JMJD1C: variants seen among roughly 807,000 people sequenced by gnomAD.
JMJD1C encodes jumonji domain-containing protein 1C.
A neutral mutation model predicts 245.3 loss-of-function variants in JMJD1C; 31 were observed. The ratio of observed to expected loss-of-function variants is 0.13; its 90% CI spans 0.09 to 0.17. The LOEUF (loss-of-function observed/expected upper bound fraction) is 0.17, where lower values mean the gene tolerates loss of function less well. Ranked by LOEUF, JMJD1C falls within the 10% of genes least tolerant of loss-of-function variation. The pLI is 1.00. For missense variants in JMJD1C, 2,691 were observed against 3,000.2 expected (o/e 0.90, Z 2.41); for synonymous variants, 1,057 against 1,017.4 (o/e 1.04, Z -0.74).
intron 1 of JMJD1C, 66 bp from the exon 2 acceptor site, chr10:63,380,548 T>C: frequency 4.1e-6 from 5 of 1,224,814 alleles, no homozygotes; most frequent in Non-Finnish European, 5.8e-6. Context: ...TTTTTACTAA[T>C]GCATAATAAT....
chr10:63,378,225 T>C (rs1473673127), intron 2 of JMJD1C, among the ~76,000 whole-genome samples: 1 of 152,086 alleles, frequency 6.6e-6, no homozygotes, highest in Non-Finnish European at 1.5e-5. Context: ...TATTTTCCAA[T>C]AAAAATTCTC....
intron 2 of JMJD1C, among the ~76,000 whole-genome samples, chr10:63,364,480 G>A (rs1387545200): frequency 1.3e-5 from 2 of 152,014 alleles, no homozygotes; most frequent in African/African-American, 4.8e-5. Flanking sequence ...TGCGATTTTG[G>A]AGGAAGCAAA....
intron 3 of JMJD1C, among the ~76,000 whole-genome samples, chr10:63,224,708 C>T (rs1198758891): frequency 6.6e-6 from 1 of 152,070 alleles, no homozygotes; most frequent in Non-Finnish European, 1.5e-5. Flanking sequence ...TATGAATATC[C>T]ACTATCTTTC....
chr10:63,221,922 A>T (rs1171392271), intron 3 of JMJD1C, among the ~76,000 whole-genome samples: 2 of 152,152 alleles, frequency 1.3e-5, no homozygotes, highest in Non-Finnish European at 2.9e-5. Flanking sequence ...GGGTTTCATC[A>T]TATTGGTTAG....
intron 1 of JMJD1C, among the ~76,000 whole-genome samples, chr10:63,435,440 T>A (rs1391801820): frequency 1.3e-5 from 2 of 152,188 alleles, no homozygotes; most frequent in Non-Finnish European, 2.9e-5. Flanking sequence ...AAGATTATAG[T>A]AAACACAGAT....
chr10:63,267,449 G>T (rs1301678801), intron 2 of JMJD1C, among the ~76,000 whole-genome samples: 2 of 152,066 alleles, frequency 1.3e-5, no homozygotes, highest in Admixed American at 1.3e-4. Context: ...CCTACAGCTG[G>T]TATGATGAAA....
At chr10:63,367,958 CTACT>C (rs1398249750) in intron 2 of JMJD1C, among the ~76,000 whole-genome samples, 13 of 152,284 alleles carry the variant, frequency 8.5e-5, no homozygotes, top group African/African-American at 2.2e-4. Flanking sequence ...AATGTTTCCC[CTACT>C]TAAACAGAAT....
At chr10:63,238,006 TAAAAAAAAAAAAAAAA>T (rs35736445) in intron 3 of JMJD1C, among the ~76,000 whole-genome samples, 1 of 27,602 alleles carries the variant, frequency 3.6e-5, no homozygotes, top group Non-Finnish European at 6.0e-5. Context: ...CCGTCTCTAC[TAAAAAAAAAAAAAAAA>T]AAAAAAAAAA....
At position 63,209,144 on chromosome 10, in the gene JMJD1C, C is replaced by T. The variant is rs1181876846; in HGVS notation, c.2786G>A (p.Ser929Asn). ...TTTAAGAGGCCGATGAGGCTCTGCACTGGAAGGTCTGACAGGAATGTGACT... is the reference window on the plus strand; with the variant it reads ...TTTAAGAGGCCGATGAGGCTCTGCATTGGAAGGTCTGACAGGAATGTGACT... ...LLSHIPVRPSSAEPHRPLKIT... is the reference protein window; with the variant it reads ...LLSHIPVRPSNAEPHRPLKIT... Residue 929 changes from serine to asparagine, a missense_variant, in exon 9 of 26, where the codon AGT becomes AAT. This residue lies in a region of JMJD1C where 1,562 missense variants were observed against 1,490.7 expected (regional missense o/e 1.05). Transcript: ENST00000399262. 8.7e-6 allele frequency: 14 copies of T among 1,613,828 alleles called. No homozygotes were observed. The highest frequency in any genetic ancestry group is 1.0e-5 in the Non-Finnish European group (12 of 1,179,920).
rs1845014751 is a variant in JMJD1C at position 63,192,939 on chromosome 10, T to G, written c.6075A>C (p.Lys2025Asn). Residue 2025 changes from lysine (K) to asparagine (N), a missense_variant and splice_region_variant, in exon 16 of 26, where the codon AAA (lysine) becomes AAC (asparagine). Transcript: ENST00000399262. ...LAEQKAREEK[K>N]ENKELTLENQ... is the part of the protein sequence containing the mutation. ...GCCTAGATAATCAATTATGTTTACC[T>G]TTTTTTTCCTCTCTGGCTTTTTGCT... The G allele has an allele frequency of 1.3e-6, 2 of 1,598,458 alleles. No individual in the cohort carries two copies. Among genetic ancestry groups the G allele is most frequent in the Non-Finnish European group, 8.6e-7 (1 of 1,166,466 alleles).
intron 2 of JMJD1C, among the ~76,000 whole-genome samples, chr10:63,363,743 GTGATGGCTCACTGTAATCT>G (rs1945606102): frequency 6.6e-6 from 1 of 151,964 alleles, no homozygotes; most frequent in South Asian, 2.1e-4. Flanking sequence ...CTGGAGTGCA[GTGATGGCTCACTGTAATCT>G]CTACTTCCCA....
In JMJD1C at chr10:63,462,147, C is replaced by A. The variant is rs12247734; in HGVS notation, c.168+3348G>T. On this transcript the variant is annotated intron_variant, in intron 1 of 25. Coordinates refer to ENST00000399262, the MANE Select transcript of JMJD1C (RefSeq NM_032776.3). ...ATTTCAACTTCTTCAACAACTTGGT[C>A]CTCCTGCATAAAAAAGGCTTAGATA... Among the ~76,000 whole-genome samples the A allele has an allele frequency of 8.3e-3, 1,267 of 152,234 alleles. 19 individuals carry two copies. Among genetic ancestry groups the A allele is most frequent in the African/African-American group, 0.03 (1,228 of 41,546 alleles).
intron 2 of JMJD1C, among the ~76,000 whole-genome samples, chr10:63,283,367 CT>C (rs34629226): frequency 0.61 from 74,077 of 122,350 alleles, 21,812 homozygotes; most frequent in Non-Finnish European, 0.72. Context: ...CTTTCTGAGC[CT>C]TTTTTTTTTT....
At chr10:63,266,297 A>T (rs997191644) in intron 2 of JMJD1C, among the ~76,000 whole-genome samples, 1 of 152,028 alleles carries the variant, frequency 6.6e-6, no homozygotes, top group Admixed American at 6.6e-5. Flanking sequence ...GAGAAATCAC[A>T]TTTTCAAAAT....
intron 1 of JMJD1C, among the ~76,000 whole-genome samples, chr10:63,432,286 T>G (rs1365763964): frequency 1.3e-5 from 2 of 152,234 alleles, no homozygotes; most frequent in Non-Finnish European, 2.9e-5. Context: ...CTCAGCTAAC[T>G]AGCCCGGGTG....
At chr10:63,348,508 T>G (rs147557712) in intron 2 of JMJD1C, among the ~76,000 whole-genome samples, 2 of 152,326 alleles carry the variant, frequency 1.3e-5, no homozygotes, top group Admixed American at 1.3e-4. Flanking sequence ...GGTCTGCCAT[T>G]CACAAACAGT....
intron 1 of JMJD1C, among the ~76,000 whole-genome samples, chr10:63,516,302 G>GA (rs1449418558): frequency 6.7e-6 from 1 of 150,352 alleles, no homozygotes; most frequent in Non-Finnish European, 1.5e-5. Context: ...AAACAGGGAA[G>GA]AAAAAAAGAC....
chr10:63,465,065 G>A (rs1023966440), intron 1 of JMJD1C, among the ~76,000 whole-genome samples: 2 of 152,232 alleles, frequency 1.3e-5, no homozygotes, highest in African/African-American at 4.8e-5. Flanking sequence ...TCGAGCTACA[G>A]CACTATGAAG....
intron 24 of JMJD1C, 29 bp from the exon 25 acceptor site, chr10:63,168,595 C>CAA: frequency 6.5e-7 from 1 of 1,545,018 alleles, no homozygotes; most frequent in African/African-American, 1.4e-5. Flanking sequence ...CCGTGAAATA[C>CAA]AAGTTTTAGG....
Sources: allele counts gnomAD v4.1 joint callset (sites outside exome capture counted in the v4.1 genomes callset), GRCh38; gene constraint gnomAD v4.1.1; regional missense constraint gnomAD v4.1.1; transcripts MANE v1.5; gene names NCBI Gene and HGNC (gene_info 2026-07-23, HGNC 2026-07-21).